RIMS1: variants seen among roughly 807,000 people sequenced by gnomAD.
RIMS1 encodes regulating synaptic membrane exocytosis protein 1.
In RIMS1, 83 loss-of-function variants were observed where a neutral mutation model predicts 214.1. That is an observed-to-expected ratio of 0.39 (90% CI 0.32 to 0.47). The LOEUF is 0.47. Ranked by LOEUF, RIMS1 falls within the 20% of genes least tolerant of loss-of-function variation. The probability of loss-of-function intolerance (pLI) is 0.99; values close to 1 mark genes in which losing one functional copy is unlikely to be tolerated. For missense variants in RIMS1, 2,050 were observed against 2,161.8 expected, an observed-to-expected ratio of 0.95 and a Z score of 1.03; for synonymous variants, 793 against 786.8, an observed-to-expected ratio of 1.01 and a Z score of -0.13.
At chr6:72,395,201 C>T (rs2098758700) in intron 31 of RIMS1, among the ~76,000 whole-genome samples, 1 of 151,750 alleles carries the variant, frequency 6.6e-6, no homozygotes, top group South Asian at 2.1e-4. Context: ...TAATAGGAGC[C>T]TAAAAAGAGA....
chr6:72,103,227 T>C (rs1189091100), intron 4 of RIMS1, among the ~76,000 whole-genome samples: 2 of 152,122 alleles, frequency 1.3e-5, no homozygotes, highest in African/African-American at 4.8e-5. Context: ...AACATCAAAT[T>C]GCAGAAACTT....
intron 2 of RIMS1, among the ~76,000 whole-genome samples, chr6:72,041,344 T>C (rs1821380991): frequency 6.6e-6 from 1 of 151,660 alleles, no homozygotes; most frequent in African/African-American, 2.4e-5. Context: ...ATAATAGAGG[T>C]TTTGAAAAGG....
chr6:72,353,651 G>A (rs1165261589), intron 29 of RIMS1, among the ~76,000 whole-genome samples: 2 of 152,188 alleles, frequency 1.3e-5, no homozygotes, highest in Admixed American at 1.3e-4. Context: ...AGGTGATTGG[G>A]AAGTGGTCAC....
chr6:72,008,392 AG>A (rs1350073365), intron 2 of RIMS1, among the ~76,000 whole-genome samples: 1 of 152,238 alleles, frequency 6.6e-6, no homozygotes, highest in East Asian at 1.9e-4. Context: ...AAGACCGTCG[AG>A]GCTAGGAAGA....
At chr6:72,226,796 A>T (rs2060327786) in intron 6 of RIMS1, among the ~76,000 whole-genome samples, 1 of 152,018 alleles carries the variant, frequency 6.6e-6, no homozygotes, top group African/African-American at 2.4e-5. Context: ...CAGATATTAC[A>T]TCTATTTTGG....
At chr6:72,120,661 A>T (rs2038080769) in intron 4 of RIMS1, among the ~76,000 whole-genome samples, 2 of 151,658 alleles carry the variant, frequency 1.3e-5, no homozygotes, top group Admixed American at 1.3e-4. Flanking sequence ...GTTTAATTAG[A>T]TCCCATTTGT....
chr6:72,398,816 A>G (rs2098808285), intron 32 of RIMS1, 139 bp from the exon 33 acceptor site: 4 of 562,840 alleles, frequency 7.1e-6, no homozygotes, highest in Admixed American at 3.1e-5. Context: ...TTATGGAGCA[A>G]TGGAAATTTT....
At chr6:72,013,097 A>G (rs1811418991) in intron 2 of RIMS1, among the ~76,000 whole-genome samples, 1 of 152,160 alleles carries the variant, frequency 6.6e-6, no homozygotes. Context: ...TGACTCTTAA[A>G]GTCCCTTCAA....
chr6:72,176,497 T>A (rs1334684122), intron 4 of RIMS1, among the ~76,000 whole-genome samples: 1 of 152,188 alleles, frequency 6.6e-6, no homozygotes, highest in South Asian at 2.1e-4. Context: ...TTATTTTTTA[T>A]TTGTAAAATT....
At chr6:72,263,657 T>C (rs1036127099) in intron 19 of RIMS1, 16 of 985,118 alleles carry the variant, frequency 1.6e-5, no homozygotes, top group African/African-American at 1.7e-5. Flanking sequence ...AAGAGTCGAC[T>C]GTCTAGAAAG....
chr6:71,953,753 A>C (rs1233877536), intron 1 of RIMS1, among the ~76,000 whole-genome samples: 1 of 152,202 alleles, frequency 6.6e-6, no homozygotes, highest in African/African-American at 2.4e-5. Context: ...TTCTCAAACC[A>C]CTTAGGGCTG....
In RIMS1 at chr6:72,258,118, T is replaced by C. The variant is rs1251716207; in HGVS notation, c.2771-7T>C. On this transcript the variant is annotated splice_polypyrimidine_tract_variant and splice_region_variant and intron_variant, in intron 16 of 33. Coordinates refer to ENST00000521978, the MANE Select transcript of RIMS1 (RefSeq NM_014989.7). ...GACTAAATTTTTTCTGTGTGTACTT[T>C]TGCCAGTAGGCTATAGGTCTAGTGC... 1 of 1,611,094 alleles carries C rather than the reference T, an allele frequency of 6.2e-7. No individual in the cohort carries two copies. Among genetic ancestry groups the C allele is most frequent in the South Asian group, 1.1e-5 (1 of 90,618 alleles).
chr6:72,154,693 A>G (rs1314367337), intron 4 of RIMS1, among the ~76,000 whole-genome samples: 2 of 140,922 alleles, frequency 1.4e-5, no homozygotes, highest in Non-Finnish European at 3.2e-5. Flanking sequence ...ATTTAAGAAT[A>G]GAAACATCAA....
At position 72,317,142 on chromosome 6, in the gene RIMS1, C is replaced by A. The variant is rs1452806847; in HGVS notation, c.4130+3470C>A. 9.7e-5 allele frequency: 35 copies of A among 359,460 alleles called. No individual in the cohort carries two copies. In the Admixed American group the frequency reaches 1.3e-3, roughly 13 times the overall value. The allele number at this position is 359,460 out of a possible 1,614,324, so 22.3% of individuals were successfully genotyped here. The stretch of plus-strand genomic sequence containing the variant: ...AAGGAGCTGGGCTGCTCTGTGGCAC[C>A]AGTCCCGACCAGGGTGCCCCCTCCC... On this transcript the variant is annotated intron_variant, in intron 28 of 33. Coordinates refer to ENST00000521978, the MANE Select transcript of RIMS1 (RefSeq NM_014989.7).
intron 2 of RIMS1, among the ~76,000 whole-genome samples, chr6:72,001,833 T>G (rs1423814931): frequency 1.3e-5 from 2 of 152,156 alleles, no homozygotes; most frequent in Non-Finnish European, 2.9e-5. Flanking sequence ...ATATTTTGGA[T>G]AGTAGAAGGA....
intron 29 of RIMS1, among the ~76,000 whole-genome samples, chr6:72,367,263 T>A (rs1193762242): frequency 1.3e-5 from 2 of 152,292 alleles, no homozygotes; most frequent in East Asian, 3.9e-4. Flanking sequence ...TAAAACAACT[T>A]TATTCTTATT....
Position 72,314,250 on chromosome 6 carries a change from C to A in RIMS1, c.4130+578C>A, listed in dbSNP as rs757801507. On this transcript the variant is annotated intron_variant, in intron 28 of 33. Transcript: ENST00000521978. ...CATCCAAGTGCTATCTAAACTAAAG[C>A]AGATTGATTATGGACAAAACATATT... Among the ~76,000 whole-genome samples, 66 of 152,144 alleles carry A rather than the reference C, an allele frequency of 4.3e-4. 1 individual carries two copies. The highest frequency in any genetic ancestry group is 7.5e-4 in the Non-Finnish European group (51 of 68,010).
chr6:72,193,661 T>C (rs1161066655), intron 6 of RIMS1, among the ~76,000 whole-genome samples: 1 of 152,132 alleles, frequency 6.6e-6, no homozygotes, highest in African/African-American at 2.4e-5. Context: ...CTTCCATAAA[T>C]CTCCATTTTC....
intron 6 of RIMS1, among the ~76,000 whole-genome samples, chr6:72,207,117 A>G (rs1220515081): frequency 6.6e-6 from 1 of 152,238 alleles, no homozygotes; most frequent in Non-Finnish European, 1.5e-5. Flanking sequence ...TAACCCAGAG[A>G]AAGTACTGGC....
Sources: allele counts gnomAD v4.1 joint callset (sites outside exome capture counted in the v4.1 genomes callset), GRCh38; gene constraint gnomAD v4.1.1; transcripts MANE v1.5; gene names NCBI Gene and HGNC (gene_info 2026-07-23, HGNC 2026-07-21).